Variants in CLVS1 observed in about 807,000 individuals in gnomAD.
The protein encoded by CLVS1 is clavesin-1.
Under a neutral mutation model 33.1 loss-of-function variants are expected in CLVS1, and 10 were observed. The observed-to-expected ratio is 0.30, with a 90% CI of 0.19 to 0.51. CLVS1 has a LOEUF of 0.51. CLVS1 is among the 20% of genes least tolerant of loss of function. The pLI is 0.97. For missense variants in CLVS1, 343 were observed against 433.4 expected, an observed-to-expected ratio of 0.79 and a Z score of 1.85; for synonymous variants, 163 against 166.1, an observed-to-expected ratio of 0.98 and a Z score of 0.14.
chr8:61,363,683 A>AC (rs1449908651), intron 2 of CLVS1, among the ~76,000 whole-genome samples: 1 of 152,154 alleles, frequency 6.6e-6, no homozygotes, highest in Non-Finnish European at 1.5e-5. Context: ...AACTATGTTG[A>AC]CCCCATGTTC....
chr8:61,480,368 A>C (rs1287289769), intron 5 of CLVS1, among the ~76,000 whole-genome samples: 1 of 152,142 alleles, frequency 6.6e-6, no homozygotes, highest in Non-Finnish European at 1.5e-5. Flanking sequence ...CCGTGGGCGT[A>C]GGATGCTCCG....
At chr8:61,129,092 C>A (rs1459165026) in intron 1 of CLVS1, among the ~76,000 whole-genome samples, 2 of 152,208 alleles carry the variant, frequency 1.3e-5, no homozygotes, top group Non-Finnish European at 2.9e-5. Context: ...TTCCTTAGAA[C>A]ATCAACCCTC....
chr8:61,209,845 G>A (rs144586572), intron 2 of CLVS1, among the ~76,000 whole-genome samples: 1 of 152,326 alleles, frequency 6.6e-6, no homozygotes, highest in East Asian at 1.9e-4. Context: ...TGTTTTTGTG[G>A]TGGGGATTGG....
chr8:61,118,741 T>G (rs934664995), intron 1 of CLVS1, among the ~76,000 whole-genome samples: 4 of 152,118 alleles, frequency 2.6e-5, no homozygotes, highest in Admixed American at 6.5e-5. Flanking sequence ...GAGAGATAGT[T>G]TGTTATAATT....
At chr8:61,398,842 G>A (rs753999608) in intron 3 of CLVS1, among the ~76,000 whole-genome samples, 1 of 152,068 alleles carries the variant, frequency 6.6e-6, no homozygotes, top group Non-Finnish European at 1.5e-5. Context: ...GAGGATAATG[G>A]CTTCCAGCTC....
At chr8:61,393,895 A>G (rs1055261921) in intron 3 of CLVS1, among the ~76,000 whole-genome samples, 26 of 152,188 alleles carry the variant, frequency 1.7e-4, no homozygotes, top group African/African-American at 6.3e-4. Context: ...TTATGCTAGC[A>G]GGGAAGTTGT....
intron 3 of CLVS1, among the ~76,000 whole-genome samples, chr8:61,402,036 G>A (rs930645145): frequency 3.9e-5 from 6 of 152,046 alleles, no homozygotes; most frequent in African/African-American, 1.2e-4. Flanking sequence ...GAAATCTTAG[G>A]TATCTTTTAT....
chr8:61,236,228 T>C (rs2129313223), intron 2 of CLVS1, among the ~76,000 whole-genome samples: 1 of 152,252 alleles, frequency 6.6e-6, no homozygotes, highest in South Asian at 2.1e-4. Flanking sequence ...GGGCATGAGA[T>C]ATGGGCACAA....
chr8:61,017,784 G>A, the CLVS1 span, among the ~76,000 whole-genome samples: 1 of 152,168 alleles, frequency 6.6e-6, no homozygotes, highest in Non-Finnish European at 1.5e-5. Flanking sequence ...ATCAGGGCTG[G>A]GGGGGCTCCT....
intron 2 of CLVS1, among the ~76,000 whole-genome samples, chr8:61,165,781 C>G (rs1806850678): frequency 6.6e-6 from 1 of 152,226 alleles, no homozygotes; most frequent in Admixed American, 6.5e-5. Flanking sequence ...GTGTCACGGG[C>G]CATGGTCACT....
At chr8:61,005,145 AG>A in the CLVS1 span, among the ~76,000 whole-genome samples, 2 of 152,340 alleles carry the variant, frequency 1.3e-5, no homozygotes, top group East Asian at 3.9e-4. Context: ...CAGTGACAAC[AG>A]GATCTGCATC....
At chr8:61,347,353 G>A (rs1812256339) in intron 2 of CLVS1, among the ~76,000 whole-genome samples, 1 of 151,910 alleles carries the variant, frequency 6.6e-6, no homozygotes, top group Non-Finnish European at 1.5e-5. Flanking sequence ...GGTGATGGTG[G>A]AAACGAGACC....
At chr8:61,361,477 G>A (rs984053983) in intron 2 of CLVS1, among the ~76,000 whole-genome samples, 9 of 152,170 alleles carry the variant, frequency 5.9e-5, no homozygotes, top group Admixed American at 1.3e-4. Flanking sequence ...CATTCTCCAA[G>A]CCTTTTAGAG....
the CLVS1 span, among the ~76,000 whole-genome samples, chr8:61,011,994 GAGA>G: frequency 6.6e-6 from 1 of 152,226 alleles, no homozygotes; most frequent in African/African-American, 2.4e-5. Context: ...GCTCTGAGTG[GAGA>G]AGGCCAGTGT....
chr8:61,038,367 A>G, the CLVS1 span, among the ~76,000 whole-genome samples: 1 of 151,576 alleles, frequency 6.6e-6, no homozygotes, highest in Admixed American at 6.6e-5. Flanking sequence ...TTCAATATGG[A>G]GCATCACTCA....
At chr8:61,032,697 T>A in the CLVS1 span, among the ~76,000 whole-genome samples, 1 of 152,136 alleles carries the variant, frequency 6.6e-6, no homozygotes, top group East Asian at 1.9e-4. Context: ...GATTCAGGTA[T>A]GGGAAACCAC....
chr8:61,240,864 G>A (rs1245084236), intron 2 of CLVS1, among the ~76,000 whole-genome samples: 1 of 143,264 alleles, frequency 7.0e-6, no homozygotes, highest in Non-Finnish European at 1.5e-5. Flanking sequence ...AAAACTCTCA[G>A]AATTCTAAAA....
intron 1 of CLVS1, among the ~76,000 whole-genome samples, chr8:61,071,565 T>G (rs896602081): frequency 6.6e-6 from 1 of 152,192 alleles, no homozygotes; most frequent in Non-Finnish European, 1.5e-5. Flanking sequence ...GTTCCTGAAT[T>G]TAATCACATC....
the CLVS1 span, chr8:60,967,628 C>T: frequency 2.2e-6 from 1 of 455,730 alleles, no homozygotes; most frequent in Non-Finnish European, 4.4e-6. Context: ...GCCTCTGGCT[C>T]CTTTATCTCC....
Sources: gnomAD v4.1 joint callset for allele counts (sites outside exome capture counted in the v4.1 genomes callset) on GRCh38, gnomAD v4.1.1 for gene constraint, MANE v1.5 for transcripts, NCBI Gene and HGNC (gene_info 2026-07-23, HGNC 2026-07-21) for gene names.